CALD1: variants seen among roughly 807,000 people sequenced by gnomAD.
CALD1 encodes the protein caldesmon.
In CALD1, 33 loss-of-function variants were observed where a neutral mutation model predicts 99.9. The observed-to-expected ratio is 0.33, with a 90% CI of 0.25 to 0.44. The LOEUF (loss-of-function observed/expected upper bound fraction) is 0.44. CALD1 is among the 20% of genes least tolerant of loss of function. The probability of loss-of-function intolerance (pLI) is 1.00; values close to 1 mark genes in which losing one functional copy is unlikely to be tolerated. For missense variants in CALD1, 861 were observed against 962.1 expected (o/e 0.89, Z 1.39); for synonymous variants, 310 against 325.0 (o/e 0.95, Z 0.50).
At chr7:134,908,958 A>C (rs1803597299) in intron 3 of CALD1, among the ~76,000 whole-genome samples, 1 of 152,112 alleles carries the variant, frequency 6.6e-6, no homozygotes, top group South Asian at 2.1e-4. Flanking sequence ...TTTAAACTTT[A>C]TTTTCCATGC....
chr7:134,943,160 AAG>A (rs1177148428), intron 7 of CALD1, among the ~76,000 whole-genome samples: 1 of 152,166 alleles, frequency 6.6e-6, no homozygotes, highest in African/African-American at 2.4e-5. Flanking sequence ...AGGAGAGAGG[AAG>A]AGAGTATCCG....
chr7:134,720,698 A>G, the CALD1 span, among the ~76,000 whole-genome samples: 1 of 152,198 alleles, frequency 6.6e-6, no homozygotes, highest in African/African-American at 2.4e-5. Context: ...CATGAGCAAG[A>G]GGACCCACAT....
chr7:134,730,433 C>T, the CALD1 span, among the ~76,000 whole-genome samples: 2 of 152,176 alleles, frequency 1.3e-5, no homozygotes, highest in Non-Finnish European at 2.9e-5. Context: ...ACCCCAACTT[C>T]CCAATTCTTT....
intron 3 of CALD1, among the ~76,000 whole-genome samples, chr7:134,900,728 T>C (rs1334783778): frequency 6.6e-6 from 1 of 152,144 alleles, no homozygotes; most frequent in Admixed American, 6.5e-5. Flanking sequence ...GTCTGTCTTA[T>C]AGGTGAAAAT....
At chr7:134,813,984 C>T (rs1234166263) in intron 1 of CALD1, among the ~76,000 whole-genome samples, 5 of 152,036 alleles carry the variant, frequency 3.3e-5, no homozygotes, top group African/African-American at 9.7e-5. Context: ...AGAATGATCA[C>T]AGACATGAAT....
intron 1 of CALD1, among the ~76,000 whole-genome samples, chr7:134,769,342 A>T (rs1017020457): frequency 6.6e-6 from 1 of 152,182 alleles, no homozygotes; most frequent in Admixed American, 6.5e-5. Flanking sequence ...TCACTCAACA[A>T]AGTGAATGCA....
At chr7:134,867,429 T>A (rs1363070668) in intron 2 of CALD1, among the ~76,000 whole-genome samples, 1 of 152,166 alleles carries the variant, frequency 6.6e-6, no homozygotes, top group Admixed American at 6.5e-5. Flanking sequence ...ATATTTCAAG[T>A]CTTCAAAACC....
At chr7:134,868,024 T>C (rs1800883889) in intron 3 of CALD1, 2 of 353,526 alleles carry the variant, frequency 5.7e-6, no homozygotes, top group East Asian at 4.9e-5. Context: ...GAGGAATCAA[T>C]TGATAACTGC....
In CALD1 at chr7:134,830,341, T is replaced by C. The variant is rs568552320; in HGVS notation, c.-129-13543T>C. Among the ~76,000 whole-genome samples the C allele has an allele frequency of 5.9e-5, 9 of 152,318 alleles. No homozygotes were observed. The South Asian group carries it at 1.9e-3, about 32-fold the overall frequency. On this transcript the variant is annotated intron_variant, in intron 1 of 14. Transcript: ENST00000361675. Reference sequence around the variant, plus strand: ...AGTTGATTTTAATAATTTAATTTGCTACACCTTTGAATTATCTCATTTATC... The same window carrying C: ...AGTTGATTTTAATAATTTAATTTGCCACACCTTTGAATTATCTCATTTATC...
chr7:134,910,283 C>T (rs1189280411), intron 3 of CALD1, among the ~76,000 whole-genome samples: 3 of 152,016 alleles, frequency 2.0e-5, no homozygotes, highest in Non-Finnish European at 2.9e-5. Context: ...ACAAGACAGC[C>T]CGTGATAGGG....
At chr7:134,829,938 T>C (rs992079505) in intron 1 of CALD1, among the ~76,000 whole-genome samples, 3 of 151,928 alleles carry the variant, frequency 2.0e-5, no homozygotes, top group African/African-American at 4.8e-5. Context: ...GGAGTAACGG[T>C]AGATGAGGAA....
intron 3 of CALD1, among the ~76,000 whole-genome samples, chr7:134,877,036 C>T (rs1801383283): frequency 6.6e-6 from 1 of 152,180 alleles, no homozygotes; most frequent in South Asian, 2.1e-4. Context: ...TGGAAAATGG[C>T]CATCGAAACA....
intron 2 of CALD1, among the ~76,000 whole-genome samples, chr7:134,860,947 T>A (rs930431400): frequency 6.6e-6 from 1 of 152,140 alleles, no homozygotes; most frequent in Non-Finnish European, 1.5e-5. Context: ...GTAAGACATA[T>A]TTGAGAGGTG....
upstream of CALD1, among the ~76,000 whole-genome samples, chr7:134,740,317 G>T (rs2131531834): frequency 6.6e-6 from 1 of 152,210 alleles, no homozygotes; most frequent in Non-Finnish European, 1.5e-5. Flanking sequence ...AAAGACATAA[G>T]AGAGTTGACA....
chr7:134,824,318 A>G (rs1041970043), intron 1 of CALD1, among the ~76,000 whole-genome samples: 3 of 152,350 alleles, frequency 2.0e-5, no homozygotes, highest in Non-Finnish European at 1.5e-5. Context: ...TTTCAATCAA[A>G]TCTTCTAAAT....
chr7:134,939,512 C>T (rs1342566098), intron 6 of CALD1, among the ~76,000 whole-genome samples: 2 of 152,092 alleles, frequency 1.3e-5, no homozygotes, highest in African/African-American at 4.8e-5. Flanking sequence ...GAGGGACATC[C>T]TAGGTATATA....
Position 134,885,268 on chromosome 7 carries a change from G to T in CALD1, c.71+17464G>T, listed in dbSNP as rs74303695. ...ATTTCTATCTGTAGATCATAATCAA[G>T]TGCTGATCCCAGTCAGAGGTTATTA... On this transcript the variant is annotated intron_variant, in intron 3 of 14. Transcript: ENST00000361675. 1.3e-5 allele frequency among the ~76,000 whole-genome samples: 2 copies of T among 152,142 alleles called. 1 individual carries two copies. The highest frequency in any genetic ancestry group is 3.8e-4 in the East Asian group (2 of 5,198).
intron 3 of CALD1, among the ~76,000 whole-genome samples, chr7:134,910,652 TAC>T (rs146858263): frequency 5.3e-4 from 79 of 148,734 alleles, no homozygotes; most frequent in African/African-American, 7.8e-4. Flanking sequence ...TGCACACACG[TAC>T]ACACACACAC....
intron 1 of CALD1, among the ~76,000 whole-genome samples, chr7:134,784,615 G>C (rs1797236648): frequency 6.6e-6 from 1 of 152,196 alleles, no homozygotes; most frequent in Non-Finnish European, 1.5e-5. Context: ...ACATGGCCCA[G>C]TGTTAGGAAG....
Sources: allele counts gnomAD v4.1 joint callset (sites outside exome capture counted in the v4.1 genomes callset), GRCh38; gene constraint gnomAD v4.1.1; transcripts MANE v1.5; gene names NCBI Gene and HGNC (gene_info 2026-07-23, HGNC 2026-07-21).